The following IL1RAPL2 variants were observed in gnomAD, a reference collection of about 807,000 sequenced individuals.
IL1RAPL2 encodes the protein X-linked interleukin-1 receptor accessory protein-like 2.
IL1RAPL2 carries 3 observed loss-of-function variants against 44.1 expected under a neutral mutation model. The ratio of observed to expected loss-of-function variants is 0.07; its 90% CI spans 0.03 to 0.18. IL1RAPL2 has a LOEUF of 0.18. Among genes scored for constraint, IL1RAPL2 ranks in the 10% least tolerant of loss-of-function variants. The probability of loss-of-function intolerance (pLI) is 1.00; values close to 1 mark genes in which losing one functional copy is unlikely to be tolerated. For synonymous variants in IL1RAPL2, 181 were observed against 178.8 expected (o/e 1.01, Z -0.10); for missense variants, 391 against 496.4 (o/e 0.79, Z 2.02).
intron 5 of IL1RAPL2, among the ~76,000 whole-genome samples, chrX:105,296,585 T>C (rs1359772114): frequency 2.7e-5 from 3 of 112,499 alleles, no homozygotes; most frequent in Non-Finnish European, 5.6e-5. Flanking sequence ...TTTTCTTTCA[T>C]TTAAGCAGAA....
intron 4 of IL1RAPL2, among the ~76,000 whole-genome samples, chrX:105,237,551 A>G (rs782644004): frequency 2.7e-5 from 3 of 111,618 alleles, no homozygotes; most frequent in East Asian, 5.7e-4. Flanking sequence ...CTGGTGTGAG[A>G]TGGTATCTCA....
rs1052524979 is a variant in IL1RAPL2, at chrX:105,526,620, G to A, written c.772+42233G>A. On this transcript the variant is annotated intron_variant, in intron 6 of 10. Transcript: ENST00000372582. Reference sequence around the variant, plus strand: ...GTTGGTGGTTATTGACAGGACTGCTGTCACTGTTTGCTATTATGGGCTTCA... The same window carrying A: ...GTTGGTGGTTATTGACAGGACTGCTATCACTGTTTGCTATTATGGGCTTCA... Among the ~76,000 whole-genome samples, 3 of 111,579 alleles carry A rather than the reference G, an allele frequency of 2.7e-5. No individual in the cohort carries two copies. In the Admixed American group the frequency reaches 2.9e-4, roughly 11 times the overall value.
At chrX:105,057,779 T>TA (rs1352091622) in intron 2 of IL1RAPL2, among the ~76,000 whole-genome samples, 12 of 110,192 alleles carry the variant, frequency 1.1e-4, no homozygotes, top group African/African-American at 4.0e-4. Context: ...TTTATTTATT[T>TA]TTTTTTAATT....
chrX:104,739,581 A>G (rs184119470), intron 2 of IL1RAPL2, among the ~76,000 whole-genome samples: 1 of 111,894 alleles, frequency 8.9e-6, no homozygotes, highest in Non-Finnish European at 1.9e-5. Flanking sequence ...GGAGCTCTTG[A>G]CCATATGGAT....
chrX:104,991,546 G>A (rs1001717176), intron 2 of IL1RAPL2, among the ~76,000 whole-genome samples: 9 of 111,930 alleles, frequency 8.0e-5, no homozygotes, highest in Non-Finnish European at 1.7e-4. Flanking sequence ...AATGAATTGA[G>A]CCTAGAGTGT....
chrX:105,742,643 A>G (rs1008687090), intron 8 of IL1RAPL2, among the ~76,000 whole-genome samples: 1 of 111,156 alleles, frequency 9.0e-6, no homozygotes, highest in African/African-American at 3.3e-5. Flanking sequence ...TAAATATTGG[A>G]GTTCCCCAGG....
chrX:105,263,106 A>T (rs1397707282), intron 4 of IL1RAPL2, among the ~76,000 whole-genome samples: 3 of 110,226 alleles, frequency 2.7e-5, no homozygotes, highest in African/African-American at 9.9e-5. Context: ...GCTGGTCTCG[A>T]ACTCCTGACC....
At chrX:104,805,537 A>T (rs992041265) in intron 2 of IL1RAPL2, among the ~76,000 whole-genome samples, 5 of 111,570 alleles carry the variant, frequency 4.5e-5, no homozygotes, top group Non-Finnish European at 7.5e-5. Context: ...TGGAATCAGA[A>T]TTAAAACTGT....
intron 7 of IL1RAPL2, among the ~76,000 whole-genome samples, chrX:105,721,491 G>A (rs747799900): frequency 3.6e-5 from 4 of 110,928 alleles, no homozygotes; most frequent in Admixed American, 9.6e-5. Flanking sequence ...TAGTTTTTGC[G>A]TACTATCCCT....
intron 2 of IL1RAPL2, among the ~76,000 whole-genome samples, chrX:105,007,398 T>C (rs59383428): frequency 0.068 from 7,596 of 111,471 alleles, 688 homozygotes; most frequent in African/African-American, 0.23. Flanking sequence ...TACAAGCCAG[T>C]GCTGTTTTTC....
rs747491911 is a variant in IL1RAPL2 at position 104,874,279 on chromosome X, C to CCTCTCCCTCTCTCTCTCTCTCTCTCT, written c.82+215289_82+215290insCCTCTCTCTCTCTCTCTCTCTCTCTC. Reference sequence around the variant, plus strand: ...TTGATTATTTTTAACTGTCTGTATTCCTCTCTCTCTCTCTCTCTCTCTCTC... The same window carrying CCTCTCCCTCTCTCTCTCTCTCTCTCT: ...TTGATTATTTTTAACTGTCTGTATTCCTCTCCCTCTCTCTCTCTCTCTCTCTCTCTCTCTCTCTCTCTCTCTCTCTC... On this transcript the variant is annotated intron_variant, in intron 2 of 10. Transcript: ENST00000372582. 4.6e-4 allele frequency among the ~76,000 whole-genome samples: 35 copies of CCTCTCCCTCTCTCTCTCTCTCTCTCT among 76,312 alleles called. 1 individual carries two copies. The highest frequency in any genetic ancestry group is 7.3e-4 in the Non-Finnish European group (29 of 39,466). 66.3% of individuals were successfully genotyped at this position (76,312 alleles called of 115,157 possible).
At chrX:104,635,451 T>A (rs1010559559) in intron 1 of IL1RAPL2, among the ~76,000 whole-genome samples, 2 of 111,952 alleles carry the variant, frequency 1.8e-5, no homozygotes, top group Non-Finnish European at 3.8e-5. Context: ...CCAACTTGGT[T>A]CCATTCTCCC....
At chrX:105,287,551 A>G (rs1297823907) in intron 5 of IL1RAPL2, among the ~76,000 whole-genome samples, 1 of 111,656 alleles carries the variant, frequency 9.0e-6, no homozygotes, top group Non-Finnish European at 1.9e-5. Flanking sequence ...CAGTGTGGAG[A>G]ATGAATTGAA....
chrX:105,496,073 A>G (rs1037499349), intron 6 of IL1RAPL2, among the ~76,000 whole-genome samples: 2 of 112,058 alleles, frequency 1.8e-5, no homozygotes, highest in African/African-American at 6.5e-5. Flanking sequence ...CTTGATCTCC[A>G]TAGCCCCTTA....
chrX:105,150,715 C>T (rs11092531), intron 2 of IL1RAPL2, among the ~76,000 whole-genome samples: 57,743 of 110,607 alleles, frequency 0.52, 12,989 homozygotes, highest in East Asian at 0.75. Context: ...CAATCTGTCA[C>T]GGATCTTAAT....
intron 6 of IL1RAPL2, among the ~76,000 whole-genome samples, chrX:105,579,185 A>G (rs2147813569): frequency 8.9e-6 from 1 of 111,962 alleles, no homozygotes; most frequent in South Asian, 3.7e-4. Flanking sequence ...TTGTCATACC[A>G]GTGACTTTAG....
At chrX:105,033,801 T>C (rs1251097361) in intron 2 of IL1RAPL2, among the ~76,000 whole-genome samples, 2 of 112,231 alleles carry the variant, frequency 1.8e-5, no homozygotes, top group Admixed American at 9.4e-5. Flanking sequence ...TTCTCCTGGA[T>C]TATATCCTGC....
At chrX:105,401,253 A>C (rs750433802) in intron 5 of IL1RAPL2, among the ~76,000 whole-genome samples, 11 of 111,263 alleles carry the variant, frequency 9.9e-5, no homozygotes, top group African/African-American at 3.2e-4. Context: ...CAGAGCTAAA[A>C]ATATGGTGTC....
chrX:105,659,386 G>A (rs1213610561), intron 6 of IL1RAPL2, among the ~76,000 whole-genome samples: 1 of 111,269 alleles, frequency 9.0e-6, no homozygotes, highest in Non-Finnish European at 1.9e-5. Flanking sequence ...GGACGGGCGC[G>A]GTGGCTCAGG....
Sources: allele counts gnomAD v4.1 joint callset (sites outside exome capture counted in the v4.1 genomes callset), GRCh38; gene constraint gnomAD v4.1.1; transcripts MANE v1.5; gene names NCBI Gene and HGNC (gene_info 2026-07-23, HGNC 2026-07-21).